The following TSEN2 variants were observed in gnomAD, a reference collection of about 807,000 sequenced individuals.
The protein encoded by TSEN2 is tRNA splicing endonuclease subunit 2, also known as tRNA-splicing endonuclease subunit Sen2.
TSEN2 carries 54 observed loss-of-function variants against 59.2 expected under a neutral mutation model. The observed-to-expected ratio is 0.91, with a 90% CI of 0.73 to 1.14. The LOEUF is 1.14. Among genes scored for constraint, TSEN2 ranks in the 50% most tolerant of loss-of-function variants. The pLI is 0.00. For synonymous variants in TSEN2, 195 were observed against 198.2 expected, an observed-to-expected ratio of 0.98 and a Z score of 0.14; for missense variants, 636 against 576.2, an observed-to-expected ratio of 1.10 and a Z score of -1.06.
chr3:12,507,477 A>G (rs537052678), intron 6 of TSEN2, among the ~76,000 whole-genome samples: 195 of 152,370 alleles, frequency 1.3e-3, no homozygotes, highest in Non-Finnish European at 2.3e-3. Flanking sequence ...GGGTCAGGAC[A>G]GTACCTGATA....
intron 8 of TSEN2, among the ~76,000 whole-genome samples, chr3:12,526,936 A>T (rs377499629): frequency 6.6e-6 from 1 of 152,326 alleles, no homozygotes; most frequent in Admixed American, 6.5e-5. Flanking sequence ...TCATTTGAGG[A>T]CTAGAAAAGA....
chr3:12,510,608 G>A (rs2055341942), intron 6 of TSEN2, among the ~76,000 whole-genome samples: 1 of 152,168 alleles, frequency 6.6e-6, no homozygotes, highest in Admixed American at 6.5e-5. Flanking sequence ...GCATCGTCTT[G>A]TGCCCGGCTC....
intron 4 of TSEN2, among the ~76,000 whole-genome samples, chr3:12,502,886 A>G (rs1433791308): frequency 6.6e-6 from 1 of 152,038 alleles, no homozygotes; most frequent in Non-Finnish European, 1.5e-5. Flanking sequence ...ATCCTGGCCA[A>G]TATAGTGAAA....
At chr3:12,505,312 A>G (rs2054695879) in intron 6 of TSEN2, 81 bp downstream of exon 6, 1 of 869,538 alleles carries the variant, frequency 1.2e-6, no homozygotes, top group African/African-American at 1.7e-5. Flanking sequence ...CTCACAGTGT[A>G]GTTCTGTATG....
At chr3:12,516,441 AAT>A (rs147950857) in intron 6 of TSEN2, among the ~76,000 whole-genome samples, 168 bp from the exon 7 acceptor site, 7,394 of 55,944 alleles carry the variant, frequency 0.13, 602 homozygotes, top group African/African-American at 0.3. Flanking sequence ...AAACAAACAA[AAT>A]ATATGTGTGT....
In TSEN2 at chr3:12,533,167, T is replaced by C. The variant is rs2057568564; in HGVS notation, c.*446T>C. On this transcript the variant is annotated 3_prime_UTR_variant, in exon 12 of 12. Transcript: ENST00000284995. ...ATCTAAGCTGTTCCCGAAAGAGTGT[T>C]ACAGAACACAACAGTATTGTACAAT... 4.2e-6 allele frequency: 1 copy of C among 238,252 alleles called. No individual in the cohort carries two copies. The highest frequency in any genetic ancestry group is 8.3e-6 in the Non-Finnish European group (1 of 120,808). 14.8% of individuals were successfully genotyped at this position (238,252 alleles called of 1,614,324 possible).
intron 2 of TSEN2, among the ~76,000 whole-genome samples, chr3:12,490,698 C>T (rs1189420184): frequency 6.6e-6 from 1 of 152,136 alleles, no homozygotes; most frequent in Admixed American, 6.5e-5. Context: ...CACCACAGTC[C>T]AGTTTTAGAA....
At chr3:12,518,772 A>G (rs1408485368) in intron 7 of TSEN2, among the ~76,000 whole-genome samples, 1 of 151,204 alleles carries the variant, frequency 6.6e-6, no homozygotes. Flanking sequence ...CTCTCAGTTC[A>G]GACTAGCTAT....
At chr3:12,494,088 A>G (rs1184791738) in intron 3 of TSEN2, among the ~76,000 whole-genome samples, 1 of 152,168 alleles carries the variant, frequency 6.6e-6, no homozygotes, top group Non-Finnish European at 1.5e-5. Context: ...TGATCCAGCA[A>G]TCTCACTTCT....
chr3:12,496,299 C>T (rs930487299), intron 3 of TSEN2, among the ~76,000 whole-genome samples: 5 of 152,210 alleles, frequency 3.3e-5, no homozygotes, highest in Admixed American at 2.0e-4. Context: ...CCCCTCTAAG[C>T]CCAGCAAGAC....
intron 3 of TSEN2, among the ~76,000 whole-genome samples, chr3:12,495,723 A>G (rs2053682473): frequency 6.6e-6 from 1 of 152,212 alleles, no homozygotes; most frequent in East Asian, 1.9e-4. Context: ...AAAGCTGAAC[A>G]TCATCTCTTC....
chr3:12,510,584 C>T (rs1246768025), intron 6 of TSEN2, among the ~76,000 whole-genome samples: 2 of 152,144 alleles, frequency 1.3e-5, no homozygotes, highest in Non-Finnish European at 2.9e-5. Context: ...CAGTCTCAGT[C>T]AGATCTCGTT....
At chr3:12,535,767 G>A (rs1311877444), downstream of TSEN2, among the ~76,000 whole-genome samples, 2 of 152,098 alleles carry the variant, frequency 1.3e-5, no homozygotes, top group South Asian at 2.1e-4. Flanking sequence ...CCTGACCTTA[G>A]ATAATCTGCC....
At chr3:12,492,802 C>T (rs1366074181) in intron 3 of TSEN2, among the ~76,000 whole-genome samples, 1 of 152,186 alleles carries the variant, frequency 6.6e-6, no homozygotes, top group Non-Finnish European at 1.5e-5. Flanking sequence ...CAATATACTG[C>T]ATTGGTGAGG....
At chr3:12,485,415 T>C (rs2052511177) in intron 1 of TSEN2, among the ~76,000 whole-genome samples, 1 of 152,048 alleles carries the variant, frequency 6.6e-6, no homozygotes, top group South Asian at 2.1e-4. Flanking sequence ...GTTGCGCAGG[T>C]TGGGGAAATA....
intron 4 of TSEN2, among the ~76,000 whole-genome samples, chr3:12,501,968 G>A (rs1575297604): frequency 6.6e-6 from 1 of 152,176 alleles, no homozygotes; most frequent in Admixed American, 6.5e-5. Flanking sequence ...CTTGGGAAGT[G>A]TTTTGTAACT....
downstream of TSEN2, among the ~76,000 whole-genome samples, chr3:12,535,870 A>G (rs1285407925): frequency 1.3e-5 from 2 of 152,172 alleles, no homozygotes; most frequent in Admixed American, 6.5e-5. Context: ...CACATTTCAA[A>G]TCACCACTGG....
rs779603425 is a variant in TSEN2, at chr3:12,516,598, G to T, written c.910-13G>T. 1.4e-5 allele frequency: 22 copies of T among 1,613,336 alleles called. No individual in the cohort carries two copies. The highest frequency in any genetic ancestry group is 1.9e-5 in the Non-Finnish European group (22 of 1,179,730). On this transcript the variant is annotated splice_polypyrimidine_tract_variant and intron_variant, in intron 6 of 11. Transcript: ENST00000284995. Reference sequence around the variant, plus strand: ...TATTTGTAATGAGCATTTTCTGCTTGCTGTATTTTCAGGCCTTTTTCTTGG... The same window carrying T: ...TATTTGTAATGAGCATTTTCTGCTTTCTGTATTTTCAGGCCTTTTTCTTGG...
intron 4 of TSEN2, 98 bp from the exon 5 acceptor site, chr3:12,503,164 C>T: frequency 7.4e-7 from 1 of 1,357,218 alleles, no homozygotes. Flanking sequence ...CTGCTGTAAA[C>T]ATTTTGGTGT....
Sources: allele counts gnomAD v4.1 joint callset (sites outside exome capture counted in the v4.1 genomes callset), GRCh38; gene constraint gnomAD v4.1.1; transcripts MANE v1.5; gene names NCBI Gene and HGNC (gene_info 2026-07-23, HGNC 2026-07-21).